Variants in SPACDR observed in about 807,000 individuals in gnomAD.
SPACDR encodes the protein sperm acrosome developmental regulator, also known as uncharacterized protein C7orf61.
At chr7:100,464,025 T>A in the SPACDR span, 1 of 1,538,554 alleles carries the variant, frequency 6.5e-7, no homozygotes, top group Non-Finnish European at 8.8e-7. Context: ...ACCACAACCA[T>A]CTCTCTTGAT....
chr7:100,456,891 A>G, the SPACDR span: 1 of 1,613,696 alleles, frequency 6.2e-7, no homozygotes, highest in East Asian at 2.2e-5. Context: ...GGCCCACAGC[A>G]CCAGGTACAC....
At chr7:100,463,570 G>A in the SPACDR span, 10 of 1,613,854 alleles carry the variant, frequency 6.2e-6, no homozygotes, top group Non-Finnish European at 7.6e-6. Flanking sequence ...TTGGGAGCTC[G>A]ACCAACCTCA....
At chr7:100,462,426 T>C in the SPACDR span, among the ~76,000 whole-genome samples, 1 of 151,682 alleles carries the variant, frequency 6.6e-6, no homozygotes, top group South Asian at 2.1e-4. Context: ...TGTTAGCCAG[T>C]ATGGTCTCAA....
chr7:100,461,960 T>C, the SPACDR span, among the ~76,000 whole-genome samples: 2 of 120,410 alleles, frequency 1.7e-5, no homozygotes, highest in Admixed American at 1.0e-4. Flanking sequence ...GCCACTGCAC[T>C]CCAACCTGGG....
the SPACDR span, chr7:100,463,490 TC>T: frequency 6.2e-7 from 1 of 1,613,874 alleles, no homozygotes; most frequent in Admixed American, 1.7e-5. Context: ...CTCGGTCTCC[TC>T]TGTAGTCTTG....
the SPACDR span, among the ~76,000 whole-genome samples, chr7:100,460,005 T>C: frequency 6.6e-6 from 1 of 151,748 alleles, no homozygotes; most frequent in Non-Finnish European, 1.5e-5. Flanking sequence ...TTCTCCTGCC[T>C]CAGCCTCCCA....
chr7:100,463,713 G>A, the SPACDR span: 2 of 1,588,938 alleles, frequency 1.3e-6, no homozygotes, highest in Non-Finnish European at 1.7e-6. Context: ...AGAGAGGAGA[G>A]ACAGGAGAGA....
At chr7:100,462,820 A>G in the SPACDR span, among the ~76,000 whole-genome samples, 1 of 146,430 alleles carries the variant, frequency 6.8e-6, no homozygotes, top group Non-Finnish European at 1.5e-5. Context: ...GCTAAGAAAG[A>G]AAACATTTGC....
the SPACDR span, among the ~76,000 whole-genome samples, chr7:100,457,841 G>GTGTGTGTGTGTGTGTATA: frequency 1.2e-5 from 1 of 85,078 alleles, no homozygotes; most frequent in East Asian, 4.0e-4. Flanking sequence ...GTGTGTGTGT[G>GTGTGTGTGTGTGTGTATA]TATATATATA....
the SPACDR span, chr7:100,456,626 C>T: frequency 1.4e-6 from 1 of 739,730 alleles, no homozygotes; most frequent in Non-Finnish European, 2.2e-6. Flanking sequence ...TGACTCAGAA[C>T]TATCTGATAT....
At chr7:100,461,478 A>C in the SPACDR span, among the ~76,000 whole-genome samples, 1 of 151,026 alleles carries the variant, frequency 6.6e-6, no homozygotes, top group Non-Finnish European at 1.5e-5. Flanking sequence ...GGGTTTCACC[A>C]TGTTGCCCAG....
chr7:100,457,117 A>C, the SPACDR span: 40 of 543,112 alleles, frequency 7.4e-5, no homozygotes, highest in South Asian at 2.2e-4. Flanking sequence ...CTCATACATC[A>C]CCTCCTCCAG....
At chr7:100,463,853 CTT>C in the SPACDR span, 1 of 1,369,362 alleles carries the variant, frequency 7.3e-7, no homozygotes, top group Non-Finnish European at 1.0e-6. Flanking sequence ...CCCACTCCAT[CTT>C]GTTTGGCCAC....
chr7:100,463,643 T>C, the SPACDR span: 2 of 1,613,668 alleles, frequency 1.2e-6, no homozygotes, highest in African/African-American at 2.7e-5. Context: ...GGAGTCAGGG[T>C]GTCCTGAGAT....
the SPACDR span, chr7:100,463,876 G>T: frequency 2.1e-6 from 3 of 1,453,286 alleles, no homozygotes; most frequent in Admixed American, 5.8e-5. Context: ...AGGCCAGGAA[G>T]GGAGGGAACC....
At chr7:100,463,341 G>T in the SPACDR span, 6 of 1,534,832 alleles carry the variant, frequency 3.9e-6, no homozygotes, top group African/African-American at 1.4e-5. Context: ...AAAGAGGGAG[G>T]GGGTGTTAGG....
At chr7:100,458,263 G>GTT in the SPACDR span, among the ~76,000 whole-genome samples, 1 of 150,468 alleles carries the variant, frequency 6.6e-6, no homozygotes, top group Non-Finnish European at 1.5e-5. Flanking sequence ...GTTTTATCCA[G>GTT]TATGCAGGTT....
At chr7:100,456,760 G>C in the SPACDR span, 1 of 1,607,870 alleles carries the variant, frequency 6.2e-7, no homozygotes, top group Non-Finnish European at 8.5e-7. Context: ...CCCTAGAGGG[G>C]ACTTTGGGCA....
At chr7:100,456,652 T>A in the SPACDR span, 5 of 799,660 alleles carry the variant, frequency 6.3e-6, no homozygotes, top group Non-Finnish European at 7.9e-6. Flanking sequence ...TCCCAATATT[T>A]TGATACTTGT....
Sources: gnomAD v4.1 joint callset for allele counts (sites outside exome capture counted in the v4.1 genomes callset) on GRCh38, gnomAD v4.1.1 for gene constraint, MANE v1.5 for transcripts, NCBI Gene and HGNC (gene_info 2026-07-23, HGNC 2026-07-21) for gene names.